Variants in IL17RA observed in about 807,000 individuals in gnomAD.
IL17RA encodes interleukin 17 receptor A, also known as interleukin-17 receptor A.
A neutral mutation model predicts 50.4 loss-of-function variants in IL17RA; 34 were observed. That is an observed-to-expected ratio of 0.67 (90% confidence interval 0.51 to 0.90). The LOEUF is 0.90. Ranked by LOEUF, IL17RA falls within the 40% of genes least tolerant of loss-of-function variation. The pLI, the probability that IL17RA is intolerant of heterozygous loss-of-function variation, is 0.00. For missense variants in IL17RA, 1,276 were observed against 1,169.8 expected, an observed-to-expected ratio of 1.09 and a Z score of -1.32; for synonymous variants, 585 against 510.4, an observed-to-expected ratio of 1.15 and a Z score of -1.97.
chr22:17,106,726 A>C (rs1174398106), intron 11 of IL17RA, among the ~76,000 whole-genome samples: 1 of 152,152 alleles, frequency 6.6e-6, no homozygotes, highest in Non-Finnish European at 1.5e-5. Context: ...GGTGTTAATC[A>C]TTATTAATTA....
intron 11 of IL17RA, 96 bp from the exon 12 acceptor site, chr22:17,107,631 C>CT: frequency 9.1e-7 from 1 of 1,093,466 alleles, no homozygotes; most frequent in South Asian, 1.2e-5. Flanking sequence ...CCCCCTTACC[C>CT]TTCACCCTTT....
intron 1 of IL17RA, among the ~76,000 whole-genome samples, chr22:17,087,581 A>G (rs2061332822): frequency 6.6e-6 from 1 of 152,230 alleles, no homozygotes; most frequent in African/African-American, 2.4e-5. Context: ...CTCTGCTTGG[A>G]AGGTAGTGGC....
At position 17,096,087 on chromosome 22, in the gene IL17RA, G is replaced by A. The variant is rs145710296; in HGVS notation, c.139-975G>A. Among the ~76,000 whole-genome samples, 773 of 152,236 alleles carry A rather than the reference G, an allele frequency of 5.1e-3. 12 individuals carry two copies. The highest frequency in any genetic ancestry group is 4.2e-3 in the Non-Finnish European group (284 of 68,002). ...GCCTCAGCATCTGACTTTCCACCCC[G>A]GGATGCGTTTGGTCTGTTTTGCCAG... On this transcript the variant is annotated intron_variant, in intron 1 of 12. Transcript: ENST00000319363.
At position 17,108,411 on chromosome 22, in the gene IL17RA, T is replaced by C. The variant is rs778328440; in HGVS notation, c.1192T>C (p.Phe398Leu). 1 of 1,614,046 alleles carries C rather than the reference T, an allele frequency of 6.2e-7. No individual in the cohort carries two copies. The highest frequency in any genetic ancestry group is 1.1e-5 in the South Asian group (1 of 91,084). ...CCTCTACGTGGACGTGGTCCTGAAA[T>C]TCGCCCAGTTCCTGCTCACCGCCTG... ...HPLYVDVVLKFAQFLLTACGT... is the reference protein window; with the variant it reads ...HPLYVDVVLKLAQFLLTACGT... Residue 398 changes from phenylalanine to leucine, a missense_variant, in exon 13 of 13, where the codon TTC (phenylalanine) becomes CTC (leucine). Transcript: ENST00000319363.
chr22:17,094,691 C>CTCTATATATATA (rs1448096911), intron 1 of IL17RA, among the ~76,000 whole-genome samples: 3 of 24,704 alleles, frequency 1.2e-4, no homozygotes, highest in African/African-American at 2.3e-4. Context: ...CTCTCTCTCT[C>CTCTATATATATA]TATATATATA....
chr22:17,102,392 G>A (rs1412215934), intron 7 of IL17RA, 90 bp downstream of exon 7: 30 of 1,432,104 alleles, frequency 2.1e-5, no homozygotes, highest in Middle Eastern at 2.0e-4. Context: ...ACAGAACCGC[G>A]TTGCTAGAAG....
rs557551925 is a variant in IL17RA at position 17,111,738 on chromosome 22, G to T, written c.*1918G>T. 6.6e-6 allele frequency: 1 copy of T among 152,170 alleles called. No homozygotes were observed. Among genetic ancestry groups the T allele is most frequent in the Non-Finnish European group, 1.5e-5 (1 of 68,028 alleles). 9.4% of individuals were successfully genotyped at this position (152,170 alleles called of 1,614,324 possible). ...CAGGACAGTTTGCATGTGTGTGTGCGCACACATACATGTGCGTGAAAGATT... is the reference window on the plus strand; with the variant it reads ...CAGGACAGTTTGCATGTGTGTGTGCTCACACATACATGTGCGTGAAAGATT... On this transcript the variant is annotated 3_prime_UTR_variant, in exon 13 of 13. Transcript: ENST00000319363.
At chr22:17,100,962 C>T (rs1421229818) in intron 5 of IL17RA, among the ~76,000 whole-genome samples, 3 of 152,220 alleles carry the variant, frequency 2.0e-5, no homozygotes, top group Non-Finnish European at 2.9e-5. Flanking sequence ...CCTGTGATTA[C>T]CGCCAGGCTT....
rs1225367783 is a variant in IL17RA at position 17,112,961 on chromosome 22, CTT to C, written c.*3145_*3146del. ...CCAACTCCCGCGTAGAGTTTCATGA[CTT>C]TTTCCTGCCTACTATCTTGATCCTA... On this transcript the variant is annotated 3_prime_UTR_variant, in exon 13 of 13. Coordinates refer to ENST00000319363, the MANE Select transcript of IL17RA (RefSeq NM_014339.7). 6.7e-6 allele frequency: 1 copy of C among 149,080 alleles called. No individual in the cohort carries two copies. Among genetic ancestry groups the C allele is most frequent in the Non-Finnish European group, 1.5e-5 (1 of 67,578 alleles). 9.2% of individuals were successfully genotyped at this position (149,080 alleles called of 1,614,324 possible).
intron 12 of IL17RA, among the ~76,000 whole-genome samples, 165 bp downstream of exon 12, chr22:17,107,933 C>T (rs1038321033): frequency 1.3e-5 from 2 of 152,196 alleles, no homozygotes; most frequent in African/African-American, 4.8e-5. Flanking sequence ...CCCCCAATAA[C>T]AAGGCCTGGG....
At position 17,109,712 on chromosome 22, in the gene IL17RA, G is replaced by A; in HGVS notation, c.2493G>A (p.Glu831=). 6.3e-7 allele frequency: 1 copy of A among 1,588,228 alleles called. No individual in the cohort carries two copies. The highest frequency in any genetic ancestry group is 8.6e-7 in the Non-Finnish European group (1 of 1,168,148). The part of the protein sequence containing the change: ...PGKPALPLSP[E]DLESLRSLQR... ...AGCCGGCCCTGCCACTCTCTCCCGA[G>A]GACCTGGAGAGCCTGAGGAGCCTCC... is the stretch of plus-strand genomic sequence containing the variant. The change falls in exon 13 of 13, where the codon GAG becomes GAA. Residue 831 remains glutamate (E), a synonymous_variant. Transcript: ENST00000319363.
intron 7 of IL17RA, 120 bp downstream of exon 7, chr22:17,102,422 C>G: frequency 2.8e-6 from 3 of 1,084,314 alleles, no homozygotes; most frequent in Non-Finnish European, 4.2e-6. Context: ...CAGGGCTGTG[C>G]TTAGTCCATA....
intron 11 of IL17RA, among the ~76,000 whole-genome samples, chr22:17,106,534 G>A (rs2061415446): frequency 6.6e-6 from 1 of 152,212 alleles, no homozygotes; most frequent in Non-Finnish European, 1.5e-5. Context: ...GCTTGCTGGT[G>A]GGGATTAGTA....
Position 17,108,634 on chromosome 22 carries a change from G to A in IL17RA, c.1415G>A (p.Gly472Glu), listed in dbSNP as rs374474958. 1.6e-5 allele frequency: 26 copies of A among 1,605,692 alleles called. No individual in the cohort carries two copies. Among genetic ancestry groups the A allele is most frequent in the Non-Finnish European group, 2.2e-5 (26 of 1,179,666 alleles). ...GAPVRLRCDH[G>E]KPVGDLFTAA... ...CCTGTGCGGCTGCGCTGCGACCACG[G>A]AAAGCCCGTGGGGGACCTGTTCACT... The change falls in exon 13 of 13, where the codon GGA (glycine) becomes GAA (glutamate). Residue 472 changes from glycine (G) to glutamate (E), a missense_variant. By Grantham distance (98) the Gly-to-Glu change is moderately conservative (BLOSUM62 -2). Coordinates refer to ENST00000319363, the MANE Select transcript of IL17RA (RefSeq NM_014339.7).
At position 17,110,254 on chromosome 22, in the gene IL17RA, C is replaced by G. The variant is rs3179921; in HGVS notation, c.*434C>G. On this transcript the variant is annotated 3_prime_UTR_variant, in exon 13 of 13. Transcript: ENST00000319363. ...GGCTCACGCCTGTAATCCCAGCACA[C>G]TGGGAGGCCGAGGCAGGTGGATCAC... The G allele has an allele frequency of 4.0e-6, 1 of 247,634 alleles. No individual in the cohort carries two copies. The highest frequency in any genetic ancestry group is 8.0e-6 in the Non-Finnish European group (1 of 124,932). 15.3% of individuals were successfully genotyped at this position (247,634 alleles called of 1,614,324 possible).
At chr22:17,092,216 A>T (rs1394750840) in intron 1 of IL17RA, among the ~76,000 whole-genome samples, 1 of 152,182 alleles carries the variant, frequency 6.6e-6, no homozygotes, top group East Asian at 1.9e-4. Flanking sequence ...AGGTTCCTGG[A>T]GGGTGGCACA....
At chr22:17,097,010 T>C in intron 1 of IL17RA, 52 bp from the exon 2 acceptor site, 1 of 1,555,244 alleles carries the variant, frequency 6.4e-7, no homozygotes, top group Non-Finnish European at 8.9e-7. Context: ...GGCCCTGGCA[T>C]GTGAATTCAA....
rs779479873 is a variant in IL17RA at position 17,108,398 on chromosome 22, C to T, written c.1179C>T (p.Asp393=). The change falls in exon 13 of 13, where the codon GAC becomes GAT. Residue 393 remains aspartate, a synonymous_variant. Transcript: ENST00000319363. The part of the protein sequence containing the change: ...IYSADHPLYV[D]VVLKFAQFLL... Reference sequence around the variant, plus strand: ...CAGCCGACCACCCCCTCTACGTGGACGTGGTCCTGAAATTCGCCCAGTTCC... The same window carrying T: ...CAGCCGACCACCCCCTCTACGTGGATGTGGTCCTGAAATTCGCCCAGTTCC... The T allele has an allele frequency of 9.0e-5, 146 of 1,613,946 alleles. No homozygotes were observed. The highest frequency in any genetic ancestry group is 1.2e-4 in the Non-Finnish European group (137 of 1,179,978).
chr22:17,094,654 A>T (rs5994161), intron 1 of IL17RA, among the ~76,000 whole-genome samples: 1,039 of 21,436 alleles, frequency 0.048, 52 homozygotes, highest in African/African-American at 0.078. Flanking sequence ...AGTCATACAC[A>T]CACTCTCTCT....
Sources: allele counts gnomAD v4.1 joint callset (sites outside exome capture counted in the v4.1 genomes callset), GRCh38; gene constraint gnomAD v4.1.1; transcripts MANE v1.5; gene names NCBI Gene and HGNC (gene_info 2026-07-23, HGNC 2026-07-21).